Variants in CCDC170 observed in about 807,000 individuals in gnomAD.
CCDC170 encodes coiled-coil domain-containing protein 170.
Under a neutral mutation model 72.6 loss-of-function variants are expected in CCDC170, and 69 were observed. The ratio of observed to expected loss-of-function variants is 0.95; its 90% CI spans 0.78 to 1.16. CCDC170 has a LOEUF of 1.16. CCDC170 is among the 50% of genes most tolerant of loss of function. The pLI is 0.00. For synonymous variants in CCDC170, 300 were observed against 303.9 expected, an observed-to-expected ratio of 0.99 and a Z score of 0.13; for missense variants, 852 against 832.5, an observed-to-expected ratio of 1.02 and a Z score of -0.29.
rs1049028862 is a variant in CCDC170 at position 151,494,023 on chromosome 6, T to G, written c.-106T>G. On this transcript the variant is annotated 5_prime_UTR_variant, in exon 1 of 11. Coordinates refer to ENST00000239374, the MANE Select transcript of CCDC170 (RefSeq NM_025059.4). ...CGCGCGCCGCCGCGTCCCCGCGGTG[T>G]TTACCCGTTGCCCGAGGAGACACCC... The G allele has an allele frequency of 1.8e-6, 2 of 1,137,226 alleles. No homozygotes were observed. Among genetic ancestry groups the G allele is most frequent in the Non-Finnish European group, 1.2e-6 (1 of 866,298 alleles). The allele number at this position is 1,137,226 out of a possible 1,614,324, so 70.4% of individuals were successfully genotyped here.
intron 1 of CCDC170, among the ~76,000 whole-genome samples, chr6:151,504,366 C>G (rs1218623633): frequency 6.6e-6 from 1 of 151,966 alleles, no homozygotes; most frequent in Non-Finnish European, 1.5e-5. Context: ...TTCACTCCAA[C>G]TATGGAGCTT....
At chr6:151,551,099 G>A (rs1038050071) in intron 5 of CCDC170, among the ~76,000 whole-genome samples, 3 of 152,018 alleles carry the variant, frequency 2.0e-5, no homozygotes, top group Non-Finnish European at 2.9e-5. Context: ...AAGAGTGAAG[G>A]AATATGACAA....
chr6:151,544,591 G>A lies in CCDC170; in HGVS notation c.463G>A (p.Glu155Lys). ...EKLQKCSKEN[E>K]ENKKQVSKNC... ...TAACAGAAAGTGTTCAAAAGAAAAT[G>A]AGGAGAATAAGAAACAAGTTTCAAA... Residue 155 changes from glutamate (E) to lysine (K), a missense_variant, in exon 4 of 11, where the codon GAG (glutamate) becomes AAG (lysine). By Grantham distance (56) the Glu-to-Lys change is moderately conservative. Transcript: ENST00000239374. 6.2e-7 allele frequency: 1 copy of A among 1,612,688 alleles called. No individual in the cohort carries two copies. The highest frequency in any genetic ancestry group is 1.1e-5 in the South Asian group (1 of 91,000).
chr6:151,571,550 A>C (rs757182355), intron 5 of CCDC170, among the ~76,000 whole-genome samples: 11 of 152,150 alleles, frequency 7.2e-5, no homozygotes, highest in Non-Finnish European at 1.0e-4. Flanking sequence ...CAACATGGAG[A>C]AACCCTGTCT....
At position 151,568,002 on chromosome 6, in the gene CCDC170, C is replaced by T. The variant is rs557082007; in HGVS notation, c.775-5172C>T. On this transcript the variant is annotated intron_variant, in intron 5 of 10. Transcript: ENST00000239374. ...GGCACGCACCTGTACCCCAGCTACT[C>T]GGTAGGCTGAGGCAGGAGAATCGCT... 3.1e-3 allele frequency among the ~76,000 whole-genome samples: 439 copies of T among 143,266 alleles called. 3 individuals are homozygous for T. Among genetic ancestry groups the T allele is most frequent in the African/African-American group, 0.011 (412 of 38,872 alleles). The allele number at this position is 143,266 out of a possible 152,430, so 94.0% of individuals were successfully genotyped here. A position where few individuals can be genotyped will look rare whatever the true frequency, so the allele number is the denominator to read the frequency against.
chr6:151,523,908 G>A (rs749387915), intron 1 of CCDC170, among the ~76,000 whole-genome samples: 2 of 152,170 alleles, frequency 1.3e-5, no homozygotes, highest in Non-Finnish European at 1.5e-5. Context: ...TTATCACCTG[G>A]AGTACTTTGT....
At position 151,515,834 on chromosome 6, in the gene CCDC170, G is replaced by A. The variant is rs116088251; in HGVS notation, c.58-20484G>A. On this transcript the variant is annotated intron_variant, in intron 1 of 10. Coordinates refer to ENST00000239374, the MANE Select transcript of CCDC170 (RefSeq NM_025059.4). ...TATAATCTCAACTCTTTGGAAGTCC[G>A]AAGCGGGTGGATCACGAGGTCAAGA... Among the ~76,000 whole-genome samples, 1,212 of 152,212 alleles carry A rather than the reference G, an allele frequency of 8.0e-3. 20 individuals are homozygous for A. The highest frequency in any genetic ancestry group is 0.028 in the African/African-American group (1,143 of 41,532).
At chr6:151,545,379 C>T (rs917033688) in intron 4 of CCDC170, among the ~76,000 whole-genome samples, 1 of 152,060 alleles carries the variant, frequency 6.6e-6, no homozygotes, top group Non-Finnish European at 1.5e-5. Context: ...AGCCACTGCA[C>T]TCCACCTGGG....
chr6:151,589,374 A>C (rs1425873804), intron 7 of CCDC170, among the ~76,000 whole-genome samples: 1 of 152,204 alleles, frequency 6.6e-6, no homozygotes, highest in East Asian at 1.9e-4. Flanking sequence ...GGACAGCTTC[A>C]CCTGCATGGT....
At chr6:151,527,328 T>C (rs1782426689) in intron 1 of CCDC170, among the ~76,000 whole-genome samples, 1 of 152,110 alleles carries the variant, frequency 6.6e-6, no homozygotes, top group Non-Finnish European at 1.5e-5. Flanking sequence ...CCAAAACTTT[T>C]CCCACAAATG....
At chr6:151,581,705 A>G (rs1203037045) in intron 6 of CCDC170, among the ~76,000 whole-genome samples, 6 of 152,254 alleles carry the variant, frequency 3.9e-5, no homozygotes, top group Admixed American at 3.9e-4. Flanking sequence ...CTGTAGCCTT[A>G]TGAAGTATAT....
At chr6:151,601,167 G>A (rs1365580913) in intron 9 of CCDC170, among the ~76,000 whole-genome samples, 1 of 152,144 alleles carries the variant, frequency 6.6e-6, no homozygotes, top group East Asian at 1.9e-4. Flanking sequence ...ACATGGCGGT[G>A]GCAAGAGAGA....
intron 10 of CCDC170, among the ~76,000 whole-genome samples, chr6:151,616,444 A>G (rs1176029465): frequency 3.3e-5 from 5 of 151,910 alleles, no homozygotes; most frequent in Non-Finnish European, 5.9e-5. Context: ...AAGGGCATAG[A>G]GTGGACTCTG....
rs867496254 is a variant in CCDC170 at position 151,552,628 on chromosome 6, C to T, written c.774+4139C>T. Among the ~76,000 whole-genome samples, 19 of 152,064 alleles carry T rather than the reference C, an allele frequency of 1.2e-4. No homozygotes were observed. The South Asian group carries it at 2.7e-3, about 22-fold the overall frequency. Reference sequence around the variant, plus strand: ...GTGCTCCAAATTCTCCAAATTTGTCCGGCAGAAGCTCCTTCAGGATGTACC... The same window carrying T: ...GTGCTCCAAATTCTCCAAATTTGTCTGGCAGAAGCTCCTTCAGGATGTACC... On this transcript the variant is annotated intron_variant, in intron 5 of 10. Coordinates refer to ENST00000239374, the MANE Select transcript of CCDC170 (RefSeq NM_025059.4).
intron 6 of CCDC170, among the ~76,000 whole-genome samples, chr6:151,578,837 C>T (rs1776342056): frequency 6.6e-6 from 1 of 152,152 alleles, no homozygotes. Context: ...AGGAACTGGA[C>T]TTTAAGTGAC....
At chr6:151,613,264 A>G (rs1776903095) in intron 9 of CCDC170, among the ~76,000 whole-genome samples, 1 of 152,160 alleles carries the variant, frequency 6.6e-6, no homozygotes, top group South Asian at 2.1e-4. Context: ...ATTAGCGGGC[A>G]TGGTGGCGCA....
chr6:151,562,281 A>G (rs75499761), intron 5 of CCDC170, among the ~76,000 whole-genome samples: 2,821 of 152,302 alleles, frequency 0.019, 99 homozygotes, highest in African/African-American at 0.064. Flanking sequence ...GGAGGTGTCA[A>G]AACACTCTGG....
intron 1 of CCDC170, among the ~76,000 whole-genome samples, chr6:151,496,086 T>C (rs1319010435): frequency 6.6e-6 from 1 of 152,198 alleles, no homozygotes; most frequent in Non-Finnish European, 1.5e-5. Flanking sequence ...TTTGTTTTTG[T>C]CTTTGATGAT....
intron 1 of CCDC170, among the ~76,000 whole-genome samples, chr6:151,520,357 A>G (rs1782298942): frequency 6.6e-6 from 1 of 152,218 alleles, no homozygotes; most frequent in African/African-American, 2.4e-5. Flanking sequence ...GCAGACAAAT[A>G]ATGAAACCGC....
Sources: gnomAD v4.1 joint callset for allele counts (sites outside exome capture counted in the v4.1 genomes callset) on GRCh38, gnomAD v4.1.1 for gene constraint, MANE v1.5 for transcripts, NCBI Gene and HGNC (gene_info 2026-07-23, HGNC 2026-07-21) for gene names.